Variants in WDSUB1 observed in about 807,000 individuals in gnomAD.
WDSUB1 encodes WD repeat, SAM and U-box domain-containing protein 1.
WDSUB1 carries 49 observed loss-of-function variants against 53.9 expected under a neutral mutation model. That is an observed-to-expected ratio of 0.91 (90% confidence interval 0.72 to 1.15). The LOEUF (loss-of-function observed/expected upper bound fraction) is 1.15. Among genes scored for constraint, WDSUB1 ranks in the 50% most tolerant of loss-of-function variants. The pLI is 0.00. For missense variants in WDSUB1, 514 were observed against 562.0 expected (o/e 0.91, Z 0.86); for synonymous variants, 194 against 200.6 (o/e 0.97, Z 0.28).
At chr2:159,248,847 C>T (rs1275479369) in intron 9 of WDSUB1, among the ~76,000 whole-genome samples, 3 of 152,186 alleles carry the variant, frequency 2.0e-5, no homozygotes, top group African/African-American at 4.8e-5. Context: ...TTCAAGTGAT[C>T]CTACTGCCTC....
At chr2:159,255,240 G>T (rs907837055) in intron 9 of WDSUB1, among the ~76,000 whole-genome samples, 2 of 152,154 alleles carry the variant, frequency 1.3e-5, no homozygotes, top group African/African-American at 4.8e-5. Flanking sequence ...GGCTGAGGCA[G>T]GCGGATCACA....
intron 2 of WDSUB1, among the ~76,000 whole-genome samples, chr2:159,281,152 G>T (rs1218775225): frequency 6.6e-6 from 1 of 152,208 alleles, no homozygotes; most frequent in East Asian, 1.9e-4. Context: ...GAAGGAGGGG[G>T]AGGTACACTA....
chr2:159,272,861 T>C (rs2061470158), intron 4 of WDSUB1, among the ~76,000 whole-genome samples: 1 of 152,190 alleles, frequency 6.6e-6, no homozygotes, highest in South Asian at 2.1e-4. Flanking sequence ...TTAGAATTAC[T>C]AAATATAAAC....
intron 5 of WDSUB1, among the ~76,000 whole-genome samples, chr2:159,269,764 A>C (rs1432697612): frequency 6.6e-6 from 1 of 152,250 alleles, no homozygotes; most frequent in African/African-American, 2.4e-5. Flanking sequence ...ACAGAGAAAA[A>C]TTGTATCATC....
At chr2:159,277,267 TA>T (rs1353861680) in intron 3 of WDSUB1, among the ~76,000 whole-genome samples, 1 of 152,254 alleles carries the variant, frequency 6.6e-6, no homozygotes, top group Non-Finnish European at 1.5e-5. Flanking sequence ...ATATCCTTTC[TA>T]AGAGAGATCT....
At chr2:159,261,896 A>AT (rs869067609) in intron 5 of WDSUB1, among the ~76,000 whole-genome samples, 4 of 22,632 alleles carry the variant, frequency 1.8e-4, no homozygotes, top group African/African-American at 8.3e-4. Context: ...ATATATATAT[A>AT]TTTTTTTTTT....
intron 1 of WDSUB1, among the ~76,000 whole-genome samples, chr2:159,285,711 C>A (rs1199751386): frequency 6.6e-6 from 1 of 152,164 alleles, no homozygotes; most frequent in Non-Finnish European, 1.5e-5. Context: ...ATCAATCAAT[C>A]AAACAAATAT....
intron 9 of WDSUB1, among the ~76,000 whole-genome samples, chr2:159,251,912 A>T (rs1178855754): frequency 6.6e-6 from 1 of 152,208 alleles, no homozygotes; most frequent in Admixed American, 6.5e-5. Context: ...TGAATGAGAC[A>T]GAGACCTTCC....
At chr2:159,260,622 A>T (rs1444544000) in intron 5 of WDSUB1, among the ~76,000 whole-genome samples, 1 of 152,232 alleles carries the variant, frequency 6.6e-6, no homozygotes, top group African/African-American at 2.4e-5. Context: ...TGACTACATG[A>T]TTCCTTGTAA....
At chr2:159,252,201 C>G (rs1447027511) in intron 9 of WDSUB1, among the ~76,000 whole-genome samples, 1 of 151,898 alleles carries the variant, frequency 6.6e-6, no homozygotes, top group Admixed American at 6.6e-5. Context: ...GACACGAAAC[C>G]TATATTAAGA....
intron 4 of WDSUB1, among the ~76,000 whole-genome samples, chr2:159,275,102 TAAAG>T (rs1419296341): frequency 6.6e-6 from 1 of 152,054 alleles, no homozygotes; most frequent in Non-Finnish European, 1.5e-5. Context: ...AGAGATGAAT[TAAAG>T]AAATAACATA....
At chr2:159,257,674 C>A (rs189633231) in intron 8 of WDSUB1, 84 bp downstream of exon 8, 3 of 1,211,848 alleles carry the variant, frequency 2.5e-6, no homozygotes, top group African/African-American at 1.5e-5. Context: ...AGGTGTGAGC[C>A]GCGGTGCCCA....
chr2:159,261,874 A>T (rs1216929527), intron 5 of WDSUB1, among the ~76,000 whole-genome samples: 6 of 14,088 alleles, frequency 4.3e-4, no homozygotes, highest in South Asian at 2.9e-3. Context: ...ATATATATAT[A>T]TATATATATA....
At chr2:159,274,295 G>A (rs988808755) in intron 4 of WDSUB1, among the ~76,000 whole-genome samples, 13 of 152,150 alleles carry the variant, frequency 8.5e-5, no homozygotes, top group Admixed American at 2.0e-4. Flanking sequence ...TTTGAGGCCC[G>A]GAGTTCAAGA....
At chr2:159,243,881 A>G (rs987426327) in intron 10 of WDSUB1, among the ~76,000 whole-genome samples, 4 of 152,238 alleles carry the variant, frequency 2.6e-5, no homozygotes, top group Non-Finnish European at 5.9e-5. Context: ...TATGCACACA[A>G]TGGACTTCTA....
intron 4 of WDSUB1, among the ~76,000 whole-genome samples, chr2:159,272,779 A>G (rs559783441): frequency 6.6e-6 from 1 of 152,322 alleles, no homozygotes; most frequent in Non-Finnish European, 1.5e-5. Context: ...ACATCTTGTA[A>G]TTCCAATATT....
At chr2:159,265,558 C>A (rs6432522) in intron 5 of WDSUB1, among the ~76,000 whole-genome samples, 86,845 of 151,846 alleles carry the variant, frequency 0.57, 26,150 homozygotes, top group African/African-American at 0.72. Flanking sequence ...AAATACAAAA[C>A]TTAGCCAAGC....
At position 159,240,680 on chromosome 2, in the gene WDSUB1, T is replaced by A. The variant is rs935348421; in HGVS notation, c.1274-4490A>T. 2.0e-5 allele frequency among the ~76,000 whole-genome samples: 3 copies of A among 152,190 alleles called. No individual in the cohort carries two copies. In the East Asian group the frequency reaches 5.8e-4, roughly 29 times the overall value. Reference sequence around the variant, plus strand: ...ATGTAAGATATTGTTAGCATTCCTATTTTATAAATGAGGAAACTGAGGTAT... The same window carrying A: ...ATGTAAGATATTGTTAGCATTCCTAATTTATAAATGAGGAAACTGAGGTAT... On this transcript the variant is annotated intron_variant, in intron 10 of 10. Transcript: ENST00000359774.
chr2:159,242,573 T>TGAACTGAGGAGGCAG (rs2060684326), intron 10 of WDSUB1, among the ~76,000 whole-genome samples: 1 of 147,538 alleles, frequency 6.8e-6, no homozygotes, highest in African/African-American at 2.6e-5. Flanking sequence ...GAGAATCGCT[T>TGAACTGAGGAGGCAG]GAACTGAGGA....
Sources: allele counts gnomAD v4.1 joint callset (sites outside exome capture counted in the v4.1 genomes callset), GRCh38; gene constraint gnomAD v4.1.1; transcripts MANE v1.5; gene names NCBI Gene and HGNC (gene_info 2026-07-23, HGNC 2026-07-21).